The following GRM7 variants were observed in gnomAD, a reference collection of about 807,000 sequenced individuals.
The protein encoded by GRM7 is metabotropic glutamate receptor 7.
A neutral mutation model predicts 84.5 loss-of-function variants in GRM7; 35 were observed. That is an observed-to-expected ratio of 0.41 (90% CI 0.32 to 0.55). GRM7 has a LOEUF of 0.55. GRM7 is among the 20% of genes least tolerant of loss of function. The pLI, the probability that GRM7 is intolerant of heterozygous loss-of-function variation, is 0.19. For synonymous variants in GRM7, 487 were observed against 455.1 expected, an observed-to-expected ratio of 1.07 and a Z score of -0.89; for missense variants, 1,003 against 1,194.6, an observed-to-expected ratio of 0.84 and a Z score of 2.36.
chr3:6,908,513 C>A (rs559412646), intron 1 of GRM7, among the ~76,000 whole-genome samples: 277 of 152,260 alleles, frequency 1.8e-3, no homozygotes, highest in Non-Finnish European at 2.9e-3. Context: ...ATGACTCAGT[C>A]AAGGTCATTC....
intron 7 of GRM7, among the ~76,000 whole-genome samples, chr3:7,570,066 G>A (rs535539122): frequency 2.6e-4 from 39 of 152,180 alleles, no homozygotes; most frequent in African/African-American, 6.0e-4. Flanking sequence ...CAAGAACAGC[G>A]CAGGAAAGAA....
At chr3:7,193,036 T>C (rs1413997268) in intron 2 of GRM7, among the ~76,000 whole-genome samples, 1 of 152,162 alleles carries the variant, frequency 6.6e-6, no homozygotes, top group African/African-American at 2.4e-5. Flanking sequence ...CTTTTTACTT[T>C]TTTTGTTCGT....
At position 7,468,403 on chromosome 3, in the gene GRM7, G is replaced by A. The variant is rs182249453; in HGVS notation, c.1515+6681G>A. The stretch of plus-strand genomic sequence containing the variant: ...ACTGATTAAATGGATCTGAGTCTCA[G>A]TTCTACCATTACTAGCTGTAAAGCA... On this transcript the variant is annotated intron_variant, in intron 7 of 9. Transcript: ENST00000357716. Among the ~76,000 whole-genome samples, 19 of 152,222 alleles carry A rather than the reference G, an allele frequency of 1.2e-4. No individual in the cohort carries two copies. In the East Asian group the frequency reaches 3.7e-3, roughly 29 times the overall value.
chr3:7,326,975 A>G lies in GRM7; in HGVS notation c.1033+20323A>G, dbSNP rs181351384. On this transcript the variant is annotated intron_variant, in intron 4 of 9. Coordinates refer to ENST00000357716, the MANE Select transcript of GRM7 (RefSeq NM_000844.4). The stretch of plus-strand genomic sequence containing the variant: ...ATACTTACATAAATATTTGTTTAAT[A>G]TCTGTGTTCCCAGAATATAAGCTTT... 2.0e-3 allele frequency among the ~76,000 whole-genome samples: 300 copies of G among 152,308 alleles called. 2 individuals are homozygous for G. Among genetic ancestry groups the G allele is most frequent in the South Asian group, 3.5e-3 (17 of 4,826 alleles).
intron 8 of GRM7, among the ~76,000 whole-genome samples, chr3:7,586,606 G>A (rs538157645): frequency 4.6e-5 from 7 of 152,268 alleles, no homozygotes; most frequent in African/African-American, 7.2e-5. Context: ...TCAGGAGTTC[G>A]AGACCAGCTT....
intron 9 of GRM7, among the ~76,000 whole-genome samples, chr3:7,711,452 G>A (rs150999417): frequency 6.6e-6 from 1 of 152,254 alleles, no homozygotes; most frequent in African/African-American, 2.4e-5. Context: ...GGTCAGAATT[G>A]CAGTTAGAAA....
At chr3:7,271,701 C>T (rs11915947) in intron 2 of GRM7, among the ~76,000 whole-genome samples, 3,613 of 152,094 alleles carry the variant, frequency 0.024, 138 homozygotes, top group African/African-American at 0.082. Flanking sequence ...CTCTCTTTGT[C>T]AGCCTAAATG....
At chr3:7,653,573 T>G (rs954455550) in intron 8 of GRM7, among the ~76,000 whole-genome samples, 1 of 152,144 alleles carries the variant, frequency 6.6e-6, no homozygotes, top group Non-Finnish European at 1.5e-5. Flanking sequence ...GGCCACCAGA[T>G]GTAAACAGGT....
intron 1 of GRM7, among the ~76,000 whole-genome samples, chr3:6,905,562 TC>T (rs1211583674): frequency 9.4e-6 from 1 of 106,924 alleles, no homozygotes; most frequent in African/African-American, 6.2e-5. Flanking sequence ...TGAAACCTTA[TC>T]CCTTCCTCTT....
intron 2 of GRM7, among the ~76,000 whole-genome samples, chr3:7,214,962 CAT>C (rs1696552185): frequency 6.6e-6 from 1 of 152,136 alleles, no homozygotes; most frequent in African/African-American, 2.4e-5. Flanking sequence ...CAAATAATGA[CAT>C]GTCTTTATTT....
rs148770694 is a variant in GRM7, at chr3:7,588,575, A to G, written c.2451+9218A>G. 1.7e-3 allele frequency among the ~76,000 whole-genome samples: 256 copies of G among 152,302 alleles called. 1 individual carries two copies. Among genetic ancestry groups the G allele is most frequent in the African/African-American group, 5.5e-3 (229 of 41,564 alleles). On this transcript the variant is annotated intron_variant, in intron 8 of 9. Coordinates refer to ENST00000357716, the MANE Select transcript of GRM7 (RefSeq NM_000844.4). Reference sequence around the variant, plus strand: ...ATTTTCCCATCTAAGTCTCATGTACATGATGGTGTTGGGGAAGATAACGGG... The same window carrying G: ...ATTTTCCCATCTAAGTCTCATGTACGTGATGGTGTTGGGGAAGATAACGGG...
intron 9 of GRM7, among the ~76,000 whole-genome samples, chr3:7,688,271 A>G (rs1162882339): frequency 6.6e-6 from 1 of 151,884 alleles, no homozygotes; most frequent in African/African-American, 2.4e-5. Context: ...ACTTGTAGCT[A>G]GAATTGTCTT....
intron 4 of GRM7, among the ~76,000 whole-genome samples, chr3:7,373,335 C>A (rs990831124): frequency 7.9e-5 from 12 of 152,074 alleles, no homozygotes; most frequent in African/African-American, 2.9e-4. Context: ...TTGTGATATT[C>A]CACATGATTT....
intron 2 of GRM7, among the ~76,000 whole-genome samples, chr3:7,289,460 G>A (rs529804815): frequency 2.0e-5 from 3 of 152,234 alleles, no homozygotes; most frequent in East Asian, 1.9e-4. Context: ...TGATTCCTCA[G>A]GAATCTAGAA....
chr3:7,409,757 C>A (rs569704505), intron 4 of GRM7, among the ~76,000 whole-genome samples: 5 of 151,906 alleles, frequency 3.3e-5, no homozygotes, highest in African/African-American at 1.2e-4. Flanking sequence ...CATGCCACCA[C>A]GCCCGGCGAA....
At chr3:7,446,030 C>T (rs927653301) in intron 5 of GRM7, among the ~76,000 whole-genome samples, 1 of 152,168 alleles carries the variant, frequency 6.6e-6, no homozygotes, top group Admixed American at 6.5e-5. Flanking sequence ...CATTCATTTA[C>T]TATTTATTGA....
chr3:7,420,817 G>T (rs1249761584), intron 5 of GRM7, among the ~76,000 whole-genome samples: 2 of 152,102 alleles, frequency 1.3e-5, no homozygotes, highest in Non-Finnish European at 2.9e-5. Context: ...ATATAACTTT[G>T]AGGATTTAGT....
chr3:7,477,057 G>A (rs955004984), intron 7 of GRM7, among the ~76,000 whole-genome samples: 1 of 152,180 alleles, frequency 6.6e-6, no homozygotes, highest in African/African-American at 2.4e-5. Flanking sequence ...GCCTAGCAAA[G>A]TGTTAGACAT....
At chr3:7,503,050 T>G (rs1201172174) in intron 7 of GRM7, among the ~76,000 whole-genome samples, 3 of 152,198 alleles carry the variant, frequency 2.0e-5, no homozygotes, top group South Asian at 2.1e-4. Flanking sequence ...GGGATATGAC[T>G]GTCCCTGTCA....
Sources: gnomAD v4.1 joint callset for allele counts (sites outside exome capture counted in the v4.1 genomes callset) on GRCh38, gnomAD v4.1.1 for gene constraint, MANE v1.5 for transcripts, NCBI Gene and HGNC (gene_info 2026-07-23, HGNC 2026-07-21) for gene names.